FTO: variants seen among roughly 807,000 people sequenced by gnomAD.
FTO encodes the protein alpha-ketoglutarate-dependent dioxygenase FTO.
Under a neutral mutation model 63.9 loss-of-function variants are expected in FTO, and 47 were observed. The ratio of observed to expected loss-of-function variants is 0.74; its 90% CI spans 0.58 to 0.94. The LOEUF (loss-of-function observed/expected upper bound fraction) is 0.94, where lower values mean the gene tolerates loss of function less well. Ranked by LOEUF, FTO falls within the 40% of genes least tolerant of loss-of-function variation. The pLI, the probability that FTO is intolerant of heterozygous loss-of-function variation, is 0.00. For synonymous variants in FTO, 207 were observed against 224.4 expected (o/e 0.92, Z 0.69); for missense variants, 562 against 618.1 (o/e 0.91, Z 0.96).
intron 1 of FTO, among the ~76,000 whole-genome samples, chr16:53,768,938 A>G (rs764480176): frequency 6.6e-6 from 1 of 152,202 alleles, no homozygotes; most frequent in African/African-American, 2.4e-5. Flanking sequence ...TTAACCCACA[A>G]TGAAGTTAAT....
intron 8 of FTO, among the ~76,000 whole-genome samples, chr16:53,971,959 A>G (rs756888859): frequency 6.6e-6 from 1 of 152,074 alleles, no homozygotes; most frequent in Admixed American, 6.6e-5. Flanking sequence ...GTTTTTATTC[A>G]TTGCCTCCCC....
At chr16:54,094,500 TCTCAGCATATAGGATTACCCTCCTTC>T (rs1204912187) in intron 8 of FTO, among the ~76,000 whole-genome samples, 1 of 152,218 alleles carries the variant, frequency 6.6e-6, no homozygotes, top group Non-Finnish European at 1.5e-5. Context: ...CTTCCGTGGC[TCTCAGCATATAGGATTACCCTCCTTC>T]CTCAGCCTGA....
rs1198050070 is a variant in FTO at position 54,116,467 on chromosome 16, CTG to C, written c.*4555_*4556del. 6.6e-6 allele frequency: 1 copy of C among 152,038 alleles called. No homozygotes were observed. Among genetic ancestry groups the C allele is most frequent in the East Asian group, 1.9e-4 (1 of 5,176 alleles). 9.4% of individuals were successfully genotyped at this position (152,038 alleles called of 1,614,324 possible). A position where few individuals can be genotyped will look rare whatever the true frequency, so the allele number is the denominator to read the frequency against. On this transcript the variant is annotated 3_prime_UTR_variant, in exon 9 of 9. Coordinates refer to ENST00000471389, the MANE Select transcript of FTO (RefSeq NM_001080432.3). Reference sequence around the variant, plus strand: ...GTTTATCCCGTTTGCCTTTGTTACTCTGTGATTAAATGGTATTTTTAATTAAG... The same window carrying C: ...GTTTATCCCGTTTGCCTTTGTTACTCTGATTAAATGGTATTTTTAATTAAG...
intron 1 of FTO, among the ~76,000 whole-genome samples, chr16:53,789,125 C>T (rs967522124): frequency 1.3e-5 from 2 of 152,072 alleles, no homozygotes; most frequent in Non-Finnish European, 2.9e-5. Flanking sequence ...GATTTTTCAG[C>T]CTGGATTGAA....
Position 53,711,959 on chromosome 16 carries a change from C to T in FTO, c.45+7730C>T, listed in dbSNP as rs2075785839. On this transcript the variant is annotated intron_variant, in intron 1 of 8. Transcript: ENST00000471389. ...ATAATAACTTGGCCAAATGCAGTGGCTTATACCTGTAATCCCAATGCTTTG... is the reference window on the plus strand; with the variant it reads ...ATAATAACTTGGCCAAATGCAGTGGTTTATACCTGTAATCCCAATGCTTTG... Among the ~76,000 whole-genome samples the T allele has an allele frequency of 7.2e-5, 11 of 152,116 alleles. No homozygotes were observed. The South Asian group carries it at 2.1e-3, about 29-fold the overall frequency.
intron 1 of FTO, among the ~76,000 whole-genome samples, chr16:53,739,553 A>AG (rs535347461): frequency 9.2e-5 from 14 of 152,300 alleles, no homozygotes; most frequent in South Asian, 2.1e-4. Flanking sequence ...GGCAACAGAC[A>AG]GATTAAATGA....
rs112243406 is a variant in FTO at position 53,743,895 on chromosome 16, C to CGTTTG, written c.45+39668_45+39672dup. Among the ~76,000 whole-genome samples the CGTTTG allele has an allele frequency of 7.8e-3, 1,181 of 151,938 alleles. 15 individuals are homozygous for CGTTTG. The highest frequency in any genetic ancestry group is 0.038 in the East Asian group (198 of 5,150). ...GGTTGCTTTCAGATTTTTTCCTCTC[C>CGTTTG]GTTTGGAAGTTGTTAATTCATTATA... On this transcript the variant is annotated intron_variant, in intron 1 of 8. Coordinates refer to ENST00000471389, the MANE Select transcript of FTO (RefSeq NM_001080432.3).
intron 2 of FTO, among the ~76,000 whole-genome samples, chr16:53,818,638 T>C (rs973697176): frequency 6.6e-5 from 10 of 151,770 alleles, no homozygotes; most frequent in African/African-American, 2.4e-4. Context: ...AACTTTTGGC[T>C]ATCTTTTTAT....
At chr16:53,852,680 A>G (rs1041310379) in intron 4 of FTO, among the ~76,000 whole-genome samples, 5 of 152,358 alleles carry the variant, frequency 3.3e-5, no homozygotes, top group Admixed American at 2.6e-4. Flanking sequence ...ACCTGCGCCA[A>G]TGAATGAAGA....
intron 8 of FTO, among the ~76,000 whole-genome samples, chr16:54,087,261 A>G (rs1248076021): frequency 6.6e-6 from 1 of 152,210 alleles, no homozygotes; most frequent in African/African-American, 2.4e-5. Flanking sequence ...TCCACTTTGC[A>G]TCTTTGTTGC....
At chr16:54,055,750 A>C (rs573162776) in intron 8 of FTO, among the ~76,000 whole-genome samples, 1 of 152,338 alleles carries the variant, frequency 6.6e-6, no homozygotes, top group East Asian at 1.9e-4. Flanking sequence ...AGGAAATTAA[A>C]TGACACAGGA....
intron 1 of FTO, among the ~76,000 whole-genome samples, chr16:53,747,598 T>C (rs1353634108): frequency 6.6e-6 from 1 of 152,222 alleles, no homozygotes; most frequent in Non-Finnish European, 1.5e-5. Flanking sequence ...TATAAATGTT[T>C]TCTCCCAATC....
chr16:53,931,496 C>T (rs28497818), intron 7 of FTO, among the ~76,000 whole-genome samples: 3,830 of 151,816 alleles, frequency 0.025, 167 homozygotes, highest in African/African-American at 0.086. Flanking sequence ...TCAGTAGAGA[C>T]GGGGTTTCAC....
At chr16:54,094,556 A>G (rs1158314423) in intron 8 of FTO, among the ~76,000 whole-genome samples, 1 of 152,246 alleles carries the variant, frequency 6.6e-6, no homozygotes, top group Non-Finnish European at 1.5e-5. Context: ...ACCAAAAAGA[A>G]AAAGAACAGC....
intron 3 of FTO, among the ~76,000 whole-genome samples, chr16:53,829,560 G>A (rs2079091999): frequency 1.3e-5 from 2 of 152,254 alleles, no homozygotes; most frequent in Non-Finnish European, 2.9e-5. Flanking sequence ...TATGGCAAAG[G>A]TGGACTTGAA....
chr16:53,760,231 TGTGTGTGTGTGTGTGTGTGTGTGTG>T (rs780335448), intron 1 of FTO, among the ~76,000 whole-genome samples: 5,634 of 30,776 alleles, frequency 0.18, 235 homozygotes, highest in Non-Finnish European at 0.24. Context: ...TGTGTGTGTG[TGTGTGTGTGTGTGTGTGTGTGTGTG>T]TGTGTTTTTT....
At chr16:53,851,596 A>G (rs1331501879) in intron 4 of FTO, among the ~76,000 whole-genome samples, 2 of 152,186 alleles carry the variant, frequency 1.3e-5, no homozygotes, top group African/African-American at 4.8e-5. Context: ...GGTCCTTTGT[A>G]AGTGTTAGCG....
intron 8 of FTO, among the ~76,000 whole-genome samples, chr16:54,038,441 C>T (rs1210779371): frequency 1.3e-5 from 2 of 152,180 alleles, no homozygotes; most frequent in Admixed American, 1.3e-4. Context: ...CCCACCTTCC[C>T]AGGAGCCTCA....
At chr16:53,977,642 T>A (rs1289745416) in intron 8 of FTO, among the ~76,000 whole-genome samples, 1 of 152,194 alleles carries the variant, frequency 6.6e-6, no homozygotes, top group Non-Finnish European at 1.5e-5. Flanking sequence ...CTCTTTCAAC[T>A]TTTTTGCTCT....
Sources: gnomAD v4.1 joint callset for allele counts (sites outside exome capture counted in the v4.1 genomes callset) on GRCh38, gnomAD v4.1.1 for gene constraint, MANE v1.5 for transcripts, NCBI Gene and HGNC (gene_info 2026-07-23, HGNC 2026-07-21) for gene names.